The following MYCBP2 variants were observed in gnomAD, a reference collection of about 807,000 sequenced individuals.
MYCBP2 encodes the protein MYC binding protein 2, also known as E3 ubiquitin-protein ligase MYCBP2.
MYCBP2 carries 120 observed loss-of-function variants against 525.3 expected under a neutral mutation model. The observed-to-expected ratio is 0.23, with a 90% CI of 0.20 to 0.27. MYCBP2 has a LOEUF of 0.27. Ranked by LOEUF, MYCBP2 falls within the 10% of genes least tolerant of loss-of-function variation. MYCBP2 has a pLI of 1.00. For missense variants in MYCBP2, 4,149 were observed against 5,657.1 expected (o/e 0.73, Z 8.55); for synonymous variants, 1,894 against 1,955.8 (o/e 0.97, Z 0.83).
At chr13:77,121,569 T>C in intron 54 of MYCBP2, 74 bp from the exon 55 acceptor site, 3 of 1,342,904 alleles carry the variant, frequency 2.2e-6, no homozygotes, top group Admixed American at 2.7e-5. Context: ...AGAGAGAAAA[T>C]TGCAAAAGAT....
At chr13:77,064,765 T>G in intron 72 of MYCBP2, 31 bp from the exon 73 acceptor site, 1 of 1,583,572 alleles carries the variant, frequency 6.3e-7, no homozygotes, top group Non-Finnish European at 8.6e-7. Context: ...TTTTAATAAG[T>G]GACCAGAAAT....
intron 4 of MYCBP2, 37 bp downstream of exon 4, chr13:77,278,721 C>T (rs77595208): frequency 0.039 from 56,082 of 1,438,476 alleles, 1,201 homozygotes; most frequent in East Asian, 0.068. Flanking sequence ...ATTATATTCA[C>T]TTTTAAATGC....
At chr13:77,219,242 T>A (rs2065219968) in intron 20 of MYCBP2, among the ~76,000 whole-genome samples, 1 of 151,986 alleles carries the variant, frequency 6.6e-6, no homozygotes, top group Non-Finnish European at 1.5e-5. Flanking sequence ...AGGAGTAGGT[T>A]TCAAGCGTGG....
rs375170846 is a variant in MYCBP2 at position 77,140,921 on chromosome 13, T to C, written c.7326A>G (p.Val2442=). The C allele has an allele frequency of 2.5e-5, 40 of 1,610,436 alleles. No homozygotes were observed. Among genetic ancestry groups the C allele is most frequent in the Non-Finnish European group, 3.3e-5 (39 of 1,179,174 alleles). Residue 2442 remains valine (V), a synonymous_variant, in exon 50 of 83, where the codon GTA becomes GTG. Coordinates refer to ENST00000544440, the MANE Select transcript of MYCBP2 (RefSeq NM_015057.5). The part of the protein sequence containing the change: ...IEIDAGLEVK[V]KDPPKGMIPP... Reference sequence around the variant, plus strand: ...GTATCATCCCTTTTGGTGGGTCTTTTACTTTTACTTCCAGACCAGCATCTG... The same window carrying C: ...GTATCATCCCTTTTGGTGGGTCTTTCACTTTTACTTCCAGACCAGCATCTG...
At chr13:77,263,875 T>G (rs946382238) in intron 9 of MYCBP2, 54 bp downstream of exon 9, 1 of 1,606,702 alleles carries the variant, frequency 6.2e-7, no homozygotes, top group African/African-American at 1.3e-5. Flanking sequence ...AGCTAAATAA[T>G]TTAAGGAAAA....
chr13:77,297,512 A>T (rs1407172315), intron 1 of MYCBP2, among the ~76,000 whole-genome samples: 1 of 152,184 alleles, frequency 6.6e-6, no homozygotes, highest in Non-Finnish European at 1.5e-5. Flanking sequence ...GTTGTTCCAG[A>T]TGCTGAAGGG....
At chr13:77,241,707 C>T (rs2068854558) in intron 17 of MYCBP2, among the ~76,000 whole-genome samples, 1 of 152,126 alleles carries the variant, frequency 6.6e-6, no homozygotes, top group South Asian at 2.1e-4. Flanking sequence ...CCTTATCAAT[C>T]AACATCACTT....
Position 77,326,757 on chromosome 13 carries a change from T to A in MYCBP2, c.19A>T (p.Thr7Ser). Residue 7 changes from threonine (T) to serine (S), a missense_variant, in exon 1 of 83, where the codon ACT (threonine) becomes TCT (serine). By Grantham distance (58) the Thr-to-Ser change is moderately conservative. Transcript: ENST00000544440. This position sits in a 1 kb window ranked among gnomAD's most constrained non-coding sequence, Gnocchi z 4.2. The part of the protein sequence containing the change: MMMCAA[T>S]ASPAAASSGL... ...GAGGAGGCGGCGGCGGGGGAGGCAG[T>A]CGCTGCGCACATCATCATCCTCGCC... is the stretch of plus-strand genomic sequence containing the variant. The A allele has an allele frequency of 7.1e-7, 1 of 1,416,910 alleles. No homozygotes were observed. The highest frequency in any genetic ancestry group is 1.5e-5 in the South Asian group (1 of 66,992). The allele number at this position is 1,416,910 out of a possible 1,614,324, so 87.8% of individuals were successfully genotyped here. A position where few individuals can be genotyped will look rare whatever the true frequency, so the allele number is the denominator to read the frequency against.
At chr13:77,188,501 C>T (rs2060970627) in intron 30 of MYCBP2, among the ~76,000 whole-genome samples, 2 of 152,144 alleles carry the variant, frequency 1.3e-5, no homozygotes, top group South Asian at 4.1e-4. Flanking sequence ...GCACTGTTAA[C>T]CTCAATGGCA....
chr13:77,227,074 C>T (rs1487330083), intron 18 of MYCBP2, among the ~76,000 whole-genome samples: 2 of 152,028 alleles, frequency 1.3e-5, no homozygotes, highest in African/African-American at 4.8e-5. Context: ...AGGCTGAAGG[C>T]ACGTTGAAGG....
At chr13:77,177,334 CTTTTTTTTTTTTT>C (rs748460042) in intron 35 of MYCBP2, among the ~76,000 whole-genome samples, 1 of 122,898 alleles carries the variant, frequency 8.1e-6, no homozygotes, top group Non-Finnish European at 1.7e-5. Flanking sequence ...TCTTTTCTTT[CTTTTTTTTTTTTT>C]TTTTTTTGAG....
intron 62 of MYCBP2, among the ~76,000 whole-genome samples, chr13:77,084,389 A>G (rs1205458458): frequency 6.6e-6 from 1 of 152,146 alleles, no homozygotes; most frequent in African/African-American, 2.4e-5. Context: ...CTTTGTGCAT[A>G]TATTGATTAC....
At chr13:77,101,418 G>A (rs2154133367) in intron 55 of MYCBP2, among the ~76,000 whole-genome samples, 1 of 152,084 alleles carries the variant, frequency 6.6e-6, no homozygotes, top group African/African-American at 2.4e-5. Flanking sequence ...CTCTATTCTA[G>A]GAATGCATAT....
intron 70 of MYCBP2, 50 bp from the exon 71 acceptor site, chr13:77,067,914 A>C: frequency 2.0e-6 from 3 of 1,520,582 alleles, no homozygotes; most frequent in Non-Finnish European, 2.7e-6. Flanking sequence ...CTAATGTTTT[A>C]AGGTTTCTTT....
chr13:77,277,244 A>G (rs1277981459), intron 4 of MYCBP2, among the ~76,000 whole-genome samples: 1 of 152,170 alleles, frequency 6.6e-6, no homozygotes, highest in Non-Finnish European at 1.5e-5. Flanking sequence ...AACCGAGCAA[A>G]ATATTGTTAA....
rs769345900 is a variant in MYCBP2 at position 77,233,155 on chromosome 13, C to T, written c.2737+1G>A. On this transcript the variant is annotated splice_donor_variant, in intron 18 of 82. Transcript: ENST00000544440. LOFTEE classifies it high-confidence loss of function. ...CCTAGGTGATAAGGAAGACCAAATACCTTTGTGCTTGTCCCGTTTATGCTT... is the reference window on the plus strand; with the variant it reads ...CCTAGGTGATAAGGAAGACCAAATATCTTTGTGCTTGTCCCGTTTATGCTT... 9 of 1,612,536 alleles carry T rather than the reference C, an allele frequency of 5.6e-6. No individual in the cohort carries two copies.
At chr13:77,237,577 T>TAAG (rs1048409398) in intron 17 of MYCBP2, among the ~76,000 whole-genome samples, 6 of 152,252 alleles carry the variant, frequency 3.9e-5, no homozygotes, top group African/African-American at 1.4e-4. Context: ...AAACAATAAT[T>TAAG]GAATTAAGGA....
rs912174356 is a variant in MYCBP2 at position 77,045,201 on chromosome 13, C to T, written c.*177G>A. The T allele has an allele frequency of 1.7e-5, 8 of 477,250 alleles. No individual in the cohort carries two copies. The highest frequency in any genetic ancestry group is 2.6e-5 in the Non-Finnish European group (7 of 270,514). 29.6% of individuals were successfully genotyped at this position (477,250 alleles called of 1,614,324 possible). On this transcript the variant is annotated 3_prime_UTR_variant, in exon 83 of 83. Transcript: ENST00000544440. Reference sequence around the variant, plus strand: ...AAGATAAACCAAAATAATGGGGAAACTTTTCATAGCAAGAATTATGTACAT... The same window carrying T: ...AAGATAAACCAAAATAATGGGGAAATTTTTCATAGCAAGAATTATGTACAT...
chr13:77,274,167 G>C (rs2075236393), intron 4 of MYCBP2, among the ~76,000 whole-genome samples: 1 of 152,092 alleles, frequency 6.6e-6, no homozygotes, highest in East Asian at 1.9e-4. Flanking sequence ...TTATACCCTA[G>C]AAAAACCTCC....
Sources: gnomAD v4.1 joint callset for allele counts (sites outside exome capture counted in the v4.1 genomes callset) on GRCh38, gnomAD v4.1.1 for gene constraint, Gnocchi (gnomAD v3.1) non-coding constraint, MANE v1.5 for transcripts, NCBI Gene and HGNC (gene_info 2026-07-23, HGNC 2026-07-21) for gene names.